The following NT5DC3 variants were observed in gnomAD, a reference collection of about 807,000 sequenced individuals.
NT5DC3 encodes the protein 5'-nucleotidase domain-containing protein 3.
In NT5DC3, 42 loss-of-function variants were observed where a neutral mutation model predicts 67.8. The observed-to-expected ratio is 0.62, with a 90% CI of 0.48 to 0.80. The LOEUF (loss-of-function observed/expected upper bound fraction) is 0.80. Ranked by LOEUF, NT5DC3 falls within the 30% of genes least tolerant of loss-of-function variation. The pLI is 0.00. For missense variants in NT5DC3, 570 were observed against 696.4 expected, an observed-to-expected ratio of 0.82 and a Z score of 2.04; for synonymous variants, 237 against 255.6, an observed-to-expected ratio of 0.93 and a Z score of 0.69.
intron 1 of NT5DC3, among the ~76,000 whole-genome samples, chr12:103,825,761 A>AAG (rs1374345217): frequency 1.3e-5 from 2 of 152,274 alleles, no homozygotes; most frequent in African/African-American, 4.8e-5. Flanking sequence ...GAAACAGAGC[A>AAG]AGACCCTATC....
chr12:103,764,554 G>GA, the NT5DC3 span, among the ~76,000 whole-genome samples: 4 of 151,998 alleles, frequency 2.6e-5, no homozygotes, highest in South Asian at 2.1e-4. Flanking sequence ...GTTCTCGACT[G>GA]AAAAAAATAC....
In NT5DC3 at chr12:103,772,952, A is replaced by G. The variant is rs944103541; in HGVS notation, c.*4877T>C. ...GCAGCTGAGCTCAGCACCCAGCACT[A>G]GCACAATTACAAACTAATGCAATGA... On this transcript the variant is annotated 3_prime_UTR_variant, in exon 14 of 14. Transcript: ENST00000392876. The G allele has an allele frequency of 1.6e-4, 25 of 152,252 alleles. No homozygotes were observed. The highest frequency in any genetic ancestry group is 5.8e-4 in the African/African-American group (24 of 41,458). 9.4% of individuals were successfully genotyped at this position (152,252 alleles called of 1,614,324 possible).
intron 2 of NT5DC3, among the ~76,000 whole-genome samples, chr12:103,808,956 G>A (rs1400961579): frequency 6.6e-6 from 1 of 152,196 alleles, no homozygotes; most frequent in Non-Finnish European, 1.5e-5. Context: ...CAGCATGAAG[G>A]AAGCAGGCAT....
At chr12:103,771,752 G>C (rs1593373541), downstream of NT5DC3, among the ~76,000 whole-genome samples, 1 of 152,314 alleles carries the variant, frequency 6.6e-6, no homozygotes, top group South Asian at 2.1e-4. Context: ...CGGGATTTCT[G>C]CTGAGCCAAG....
chr12:103,785,521 C>T (rs1885727552), intron 11 of NT5DC3, 46 bp from the exon 12 acceptor site: 6 of 1,595,590 alleles, frequency 3.8e-6, no homozygotes, highest in African/African-American at 1.3e-5. Context: ...TCAACAGAAT[C>T]TAAACTATGT....
rs1351122513 is a variant in NT5DC3 at position 103,776,519 on chromosome 12, C to T, written c.*1310G>A. 1 of 152,186 alleles carries T rather than the reference C, an allele frequency of 6.6e-6. No homozygotes were observed. The highest frequency in any genetic ancestry group is 2.4e-5 in the African/African-American group (1 of 41,418). The allele number at this position is 152,186 out of a possible 1,614,324, so 9.4% of individuals were successfully genotyped here. Reference sequence around the variant, plus strand: ...GCAGTGAGCTGAGATTGTGCCACTGCACTCCAGCCTGGGCAATAAGAGCAA... The same window carrying T: ...GCAGTGAGCTGAGATTGTGCCACTGTACTCCAGCCTGGGCAATAAGAGCAA... On this transcript the variant is annotated 3_prime_UTR_variant, in exon 14 of 14. Transcript: ENST00000392876.
chr12:103,839,272 G>A (rs988063730), intron 1 of NT5DC3, among the ~76,000 whole-genome samples: 8 of 152,176 alleles, frequency 5.3e-5, no homozygotes, highest in African/African-American at 9.6e-5. Flanking sequence ...TTTTACACAG[G>A]GTCTGGCTCT....
chr12:103,798,880 G>A (rs1339509249), intron 4 of NT5DC3, among the ~76,000 whole-genome samples: 1 of 152,236 alleles, frequency 6.6e-6, no homozygotes, highest in Non-Finnish European at 1.5e-5. Context: ...GGTAACAAGA[G>A]CAGGAATAAT....
the NT5DC3 span, among the ~76,000 whole-genome samples, chr12:103,756,970 G>A: frequency 4.6e-5 from 6 of 130,950 alleles, no homozygotes; most frequent in Admixed American, 4.3e-4. Context: ...ACCTTCTCTG[G>A]GCCTCAGTAG....
chr12:103,807,000 C>T, intron 2 of NT5DC3, 71 bp from the exon 3 acceptor site: 1 of 908,652 alleles, frequency 1.1e-6, no homozygotes, highest in Non-Finnish European at 1.8e-6. Context: ...AGATCTGGCC[C>T]TTGTACAAAG....
chr12:103,793,537 C>T (rs1886161782), intron 7 of NT5DC3, 25 bp from the exon 8 acceptor site: 2 of 1,519,496 alleles, frequency 1.3e-6, no homozygotes, highest in African/African-American at 1.4e-5. Flanking sequence ...AAAATTCACA[C>T]ACAGATTCAG....
the NT5DC3 span, chr12:103,750,832 T>G: frequency 6.5e-6 from 9 of 1,394,314 alleles, no homozygotes; most frequent in Middle Eastern, 2.5e-4. Flanking sequence ...GGCTCAAGCC[T>G]GTAATCCCAA....
Position 103,818,927 on chromosome 12 carries a change from A to C in NT5DC3, c.209-3806T>G, listed in dbSNP as rs1593427874. Among the ~76,000 whole-genome samples, 2 of 152,332 alleles carry C rather than the reference A, an allele frequency of 1.3e-5. 1 individual carries two copies. The highest frequency in any genetic ancestry group is 3.9e-4 in the East Asian group (2 of 5,186). On this transcript the variant is annotated intron_variant, in intron 1 of 13. Transcript: ENST00000392876. ...TGATGCAAGTGAAGGGGAATCGCTT[A>C]CAGAATGAGCAAAAGCTCCACTTTC...
In NT5DC3 at chr12:103,785,371, C is replaced by A; in HGVS notation, c.1293G>T (p.Trp431Cys). Residue 431 changes from tryptophan to cysteine, a missense_variant, in exon 12 of 14, where the codon TGG becomes TGT. Physicochemically the swap from Trp to Cys is radical, Grantham distance 215. Transcript: ENST00000392876. ...NTEQYIQTMT[W>C]LQTLTGLLEQ... Reference sequence around the variant, plus strand: ...CCAATAAGCCAGTCAAGGTCTGCAGCCAGGTCATGGTTTGAATGTATTGCT... The same window carrying A: ...CCAATAAGCCAGTCAAGGTCTGCAGACAGGTCATGGTTTGAATGTATTGCT... 6.2e-7 allele frequency: 1 copy of A among 1,614,080 alleles called. No homozygotes were observed. The highest frequency in any genetic ancestry group is 8.5e-7 in the Non-Finnish European group (1 of 1,179,962).
chr12:103,762,170 A>T, the NT5DC3 span: 1 of 1,497,700 alleles, frequency 6.7e-7, no homozygotes, highest in East Asian at 2.3e-5. Flanking sequence ...ACATGTCAGT[A>T]TTTTTATCCC....
chr12:103,830,246 G>A (rs925066938), intron 1 of NT5DC3, among the ~76,000 whole-genome samples: 2 of 152,202 alleles, frequency 1.3e-5, no homozygotes, highest in African/African-American at 4.8e-5. Flanking sequence ...TATAAATGGT[G>A]AAGTTAAGAT....
chr12:103,757,327 GCT>G, the NT5DC3 span, among the ~76,000 whole-genome samples: 3 of 152,182 alleles, frequency 2.0e-5, no homozygotes, highest in African/African-American at 7.2e-5. Context: ...TGCTCAAGCT[GCT>G]CTCTCACCTC....
At chr12:103,750,644 G>T in the NT5DC3 span, 7 of 1,614,264 alleles carry the variant, frequency 4.3e-6, no homozygotes, top group Non-Finnish European at 5.9e-6. Flanking sequence ...AGCCGGAGCA[G>T]CTGCCCATTG....
chr12:103,755,717 C>T, the NT5DC3 span: 69 of 1,613,930 alleles, frequency 4.3e-5, no homozygotes, highest in Middle Eastern at 4.9e-4. Flanking sequence ...AACTTCCTGA[C>T]GGTATGTACC....
Sources: gnomAD v4.1 joint callset for allele counts (sites outside exome capture counted in the v4.1 genomes callset) on GRCh38, gnomAD v4.1.1 for gene constraint, MANE v1.5 for transcripts, NCBI Gene and HGNC (gene_info 2026-07-23, HGNC 2026-07-21) for gene names.